The following CLASP2 variants were observed in gnomAD, a reference collection of about 807,000 sequenced individuals.
CLASP2 encodes the protein cytoplasmic linker associated protein 2.
A neutral mutation model predicts 194.4 loss-of-function variants in CLASP2; 47 were observed. The ratio of observed to expected loss-of-function variants is 0.24; its 90% confidence interval spans 0.19 to 0.31. CLASP2 has a LOEUF of 0.31. Ranked by LOEUF, CLASP2 falls within the 10% of genes least tolerant of loss-of-function variation. The pLI is 1.00. For synonymous variants in CLASP2, 619 were observed against 633.5 expected (o/e 0.98, Z 0.34); for missense variants, 1,445 against 1,823.6 (o/e 0.79, Z 3.78).
intron 21 of CLASP2, 153 bp downstream of exon 21, chr3:33,592,242 A>G (rs1217529893): frequency 5.6e-6 from 4 of 716,222 alleles, no homozygotes; most frequent in Non-Finnish European, 1.0e-5. Context: ...TGATGAACCT[A>G]AAGTACAGAA....
Position 33,584,731 on chromosome 3 carries a change from A to T in CLASP2, c.2239+19T>A. 1 of 1,541,906 alleles carries T rather than the reference A, an allele frequency of 6.5e-7. No individual in the cohort carries two copies. Among genetic ancestry groups the T allele is most frequent in the Non-Finnish European group, 8.7e-7 (1 of 1,149,784 alleles). ...AAAAGGGTTACATGTCTCACATAAA[A>T]AAAAAAAAAAAATCTTACCCACTGA... is the stretch of plus-strand genomic sequence containing the variant. On this transcript the variant is annotated intron_variant, in intron 22 of 38. Coordinates refer to ENST00000682230, the MANE Select transcript of CLASP2 (RefSeq NM_001365631.1).
rs375016014 is a variant in CLASP2 at position 33,543,424 on chromosome 3, T to G, written c.3404+9A>C. The G allele has an allele frequency of 3.4e-6, 5 of 1,488,932 alleles. No individual in the cohort carries two copies. Among genetic ancestry groups the G allele is most frequent in the Non-Finnish European group, 4.7e-6 (5 of 1,066,144 alleles). 92.2% of individuals were successfully genotyped at this position (1,488,932 alleles called of 1,614,324 possible). ...TACAAACCATCATGAAAAATCATCC[T>G]TTTATTACCTTGGAGATAAAGTATT... On this transcript the variant is annotated intron_variant, in intron 32 of 38. Coordinates refer to ENST00000682230, the MANE Select transcript of CLASP2 (RefSeq NM_001365631.1).
chr3:33,616,576 T>A (rs962979540), intron 12 of CLASP2, among the ~76,000 whole-genome samples: 5 of 152,086 alleles, frequency 3.3e-5, no homozygotes. Context: ...CATCTATTCC[T>A]GATCAAACTT....
chr3:33,624,500 A>G (rs2077657972), intron 10 of CLASP2, among the ~76,000 whole-genome samples: 1 of 152,162 alleles, frequency 6.6e-6, no homozygotes, highest in Non-Finnish European at 1.5e-5. Flanking sequence ...AGACAAATAT[A>G]GTAGTTTCCC....
chr3:33,641,612 A>T (rs571204329), intron 8 of CLASP2, among the ~76,000 whole-genome samples: 1 of 152,188 alleles, frequency 6.6e-6, no homozygotes, highest in East Asian at 1.9e-4. Context: ...CACAAGACTT[A>T]TGAGCTTTAA....
intron 32 of CLASP2, among the ~76,000 whole-genome samples, chr3:33,541,280 G>A (rs572633986): frequency 6.6e-6 from 1 of 152,084 alleles, no homozygotes; most frequent in African/African-American, 2.4e-5. Flanking sequence ...AGAAAATGTG[G>A]TATCTATACA....
At chr3:33,637,097 A>T (rs531677432) in intron 8 of CLASP2, among the ~76,000 whole-genome samples, 14 of 152,352 alleles carry the variant, frequency 9.2e-5, no homozygotes, top group African/African-American at 3.4e-4. Context: ...ACAGAAAATA[A>T]AAGAGCTACA....
chr3:33,577,957 C>T (rs2065244827), intron 23 of CLASP2, among the ~76,000 whole-genome samples: 2 of 152,164 alleles, frequency 1.3e-5, no homozygotes, highest in Admixed American at 1.3e-4. Flanking sequence ...GCCGAATAAA[C>T]TTCTGTCATT....
chr3:33,500,413 T>C (rs2046573181), intron 38 of CLASP2, among the ~76,000 whole-genome samples: 1 of 152,220 alleles, frequency 6.6e-6, no homozygotes, highest in Admixed American at 6.5e-5. Context: ...CCTACTGTTC[T>C]GATAAAGTGC....
chr3:33,659,578 C>G (rs1388323709), intron 7 of CLASP2: 1 of 200,426 alleles, frequency 5.0e-6, no homozygotes, highest in South Asian at 1.7e-4. Flanking sequence ...TGATTAACTG[C>G]TCTCATTATG....
At chr3:33,681,157 A>G (rs572937980) in intron 6 of CLASP2, among the ~76,000 whole-genome samples, 34 of 151,726 alleles carry the variant, frequency 2.2e-4, no homozygotes, top group East Asian at 1.5e-3. Flanking sequence ...AAGTAATTTC[A>G]ATATAAATTT....
intron 1 of CLASP2, among the ~76,000 whole-genome samples, chr3:33,707,685 A>G (rs2092756414): frequency 6.6e-6 from 1 of 152,158 alleles, no homozygotes; most frequent in African/African-American, 2.4e-5. Flanking sequence ...TCCCTGCCCC[A>G]CAAAAAAGGA....
At position 33,669,003 on chromosome 3, in the gene CLASP2, A is replaced by C. The variant is rs538399481; in HGVS notation, c.645-5488T>G. Among the ~76,000 whole-genome samples, 33 of 152,234 alleles carry C rather than the reference A, an allele frequency of 2.2e-4. 1 individual carries two copies. Among genetic ancestry groups the C allele is most frequent in the Non-Finnish European group, 1.0e-4 (7 of 68,040 alleles). ...ATATGATAAAACCCCTATGAAGTTAATTCTGATAAGAGGAAAATCAAATAA... is the reference window on the plus strand; with the variant it reads ...ATATGATAAAACCCCTATGAAGTTACTTCTGATAAGAGGAAAATCAAATAA... On this transcript the variant is annotated intron_variant, in intron 6 of 38. Coordinates refer to ENST00000682230, the MANE Select transcript of CLASP2 (RefSeq NM_001365631.1).
chr3:33,653,737 T>C (rs2083628692), intron 7 of CLASP2, among the ~76,000 whole-genome samples: 1 of 152,086 alleles, frequency 6.6e-6, no homozygotes, highest in Non-Finnish European at 1.5e-5. Flanking sequence ...GGGATCTAGA[T>C]GAATAAATAC....
intron 10 of CLASP2, among the ~76,000 whole-genome samples, chr3:33,625,965 C>T (rs527839032): frequency 2.0e-5 from 3 of 151,962 alleles, no homozygotes; most frequent in Admixed American, 2.0e-4. Flanking sequence ...CAAAAAAACC[C>T]TTAAGTAAAA....
At chr3:33,558,757 T>G (rs952582722) in intron 29 of CLASP2, 4 of 152,994 alleles carry the variant, frequency 2.6e-5, no homozygotes, top group Non-Finnish European at 5.8e-5. Flanking sequence ...AGATTAAATT[T>G]AAAAAATTTT....
intron 34 of CLASP2, among the ~76,000 whole-genome samples, chr3:33,522,859 AG>A: frequency 6.6e-6 from 1 of 152,282 alleles, no homozygotes; most frequent in South Asian, 2.1e-4. Context: ...TCACAAGGTC[AG>A]GAGATCGAGA....
At chr3:33,643,741 G>C (rs148844794) in intron 8 of CLASP2, among the ~76,000 whole-genome samples, 15 of 151,946 alleles carry the variant, frequency 9.9e-5, no homozygotes, top group African/African-American at 1.4e-4. Context: ...AATCTCACAT[G>C]ATGGGAAAAA....
At chr3:33,708,443 T>C (rs1360319563) in intron 1 of CLASP2, among the ~76,000 whole-genome samples, 2 of 147,480 alleles carry the variant, frequency 1.4e-5, no homozygotes, top group Non-Finnish European at 3.0e-5. Context: ...AATATTCCTT[T>C]GTGTGTGTGT....
Sources: gnomAD v4.1 joint callset for allele counts (sites outside exome capture counted in the v4.1 genomes callset) on GRCh38, gnomAD v4.1.1 for gene constraint, MANE v1.5 for transcripts, NCBI Gene and HGNC (gene_info 2026-07-23, HGNC 2026-07-21) for gene names.